DCAF10: variants seen among roughly 807,000 people sequenced by gnomAD.
The protein encoded by DCAF10 is DDB1 and CUL4 associated factor 10.
A neutral mutation model predicts 51.9 loss-of-function variants in DCAF10; 19 were observed. The ratio of observed to expected loss-of-function variants is 0.37; its 90% CI spans 0.26 to 0.54. The LOEUF (loss-of-function observed/expected upper bound fraction) is 0.54. Among genes scored for constraint, DCAF10 ranks in the 20% least tolerant of loss-of-function variants. DCAF10 has a pLI of 0.87. For synonymous variants in DCAF10, 291 were observed against 297.1 expected, an observed-to-expected ratio of 0.98 and a Z score of 0.21; for missense variants, 510 against 730.6, an observed-to-expected ratio of 0.70 and a Z score of 3.48.
intron 1 of DCAF10, among the ~76,000 whole-genome samples, chr9:37,807,700 T>C (rs1829164982): frequency 6.6e-6 from 1 of 150,912 alleles, no homozygotes; most frequent in South Asian, 2.1e-4. Flanking sequence ...TTCACTCTTG[T>C]TGTCCAGGCT....
At chr9:37,834,672 A>C (rs1830099674) in intron 2 of DCAF10, among the ~76,000 whole-genome samples, 2 of 152,338 alleles carry the variant, frequency 1.3e-5, no homozygotes, top group South Asian at 4.1e-4. Flanking sequence ...ACCGAATAAA[A>C]TATCTTTGTT....
At chr9:37,803,527 C>T (rs73649217) in intron 1 of DCAF10, among the ~76,000 whole-genome samples, 2,968 of 151,816 alleles carry the variant, frequency 0.02, 99 homozygotes, top group African/African-American at 0.068. Flanking sequence ...TTACTATATT[C>T]TGATTCCTAC....
intron 3 of DCAF10, among the ~76,000 whole-genome samples, chr9:37,844,619 C>T (rs1042354097): frequency 1.3e-5 from 2 of 152,100 alleles, no homozygotes; most frequent in Non-Finnish European, 2.9e-5. Context: ...CCACTGTACT[C>T]CAGCCTGGGC....
chr9:37,831,260 T>G lies in DCAF10; in HGVS notation c.654-10829T>G, dbSNP rs548672445. Among the ~76,000 whole-genome samples the G allele has an allele frequency of 5.3e-5, 8 of 152,268 alleles. No homozygotes were observed. In the South Asian group the frequency reaches 1.7e-3, roughly 32 times the overall value. ...GAGTGAAGATCTGAAGAGTCTTTGG[T>G]GCATGAGCTCAAGTGTGCTTTATTT... On this transcript the variant is annotated intron_variant, in intron 2 of 6. Transcript: ENST00000377724.
chr9:37,850,083 G>A (rs1830590333), intron 3 of DCAF10, among the ~76,000 whole-genome samples: 1 of 151,420 alleles, frequency 6.6e-6, no homozygotes. Context: ...GATAAAAGTG[G>A]GCCAAATTTG....
intron 2 of DCAF10, among the ~76,000 whole-genome samples, chr9:37,826,093 A>G (rs1829845606): frequency 6.6e-6 from 1 of 151,870 alleles, no homozygotes; most frequent in Non-Finnish European, 1.5e-5. Context: ...AAAAAAGGCA[A>G]TATGAACAGA....
Position 37,861,651 on chromosome 9 carries a change from C to A in DCAF10, c.*143C>A. On this transcript the variant is annotated 3_prime_UTR_variant, in exon 7 of 7. Transcript: ENST00000377724. This position sits in a 1 kb window ranked among gnomAD's most constrained non-coding sequence, Gnocchi z 4.9. ...TATGGGTCCATGAACACACTTGTGACCTTAGTACTTGGTCATCCAGCATCA... is the reference window on the plus strand; with the variant it reads ...TATGGGTCCATGAACACACTTGTGAACTTAGTACTTGGTCATCCAGCATCA... 8.3e-7 allele frequency: 1 copy of A among 1,199,888 alleles called. No individual in the cohort carries two copies. The highest frequency in any genetic ancestry group is 1.1e-6 in the Non-Finnish European group (1 of 877,010). The allele number at this position is 1,199,888 out of a possible 1,614,324, so 74.3% of individuals were successfully genotyped here.
chr9:37,821,858 C>A (rs534978357), intron 2 of DCAF10, among the ~76,000 whole-genome samples: 1 of 152,102 alleles, frequency 6.6e-6, no homozygotes, highest in African/African-American at 2.4e-5. Context: ...TCTTCGCAAT[C>A]TATACATCTG....
chr9:37,819,066 A>G (rs1437037848), intron 1 of DCAF10, among the ~76,000 whole-genome samples: 2 of 152,198 alleles, frequency 1.3e-5, no homozygotes, highest in African/African-American at 4.8e-5. Flanking sequence ...TGCTGTGCAA[A>G]CATAAGCTGT....
At chr9:37,810,075 C>T (rs1358676650) in intron 1 of DCAF10, among the ~76,000 whole-genome samples, 1 of 151,714 alleles carries the variant, frequency 6.6e-6, no homozygotes, top group Non-Finnish European at 1.5e-5. Context: ...TCACTTGAAC[C>T]TGGGAGGCGG....
chr9:37,806,099 T>A (rs1158157012), intron 1 of DCAF10, among the ~76,000 whole-genome samples: 4 of 151,982 alleles, frequency 2.6e-5, no homozygotes, highest in African/African-American at 9.7e-5. Flanking sequence ...AAAATAAAAT[T>A]AAAAAATAAA....
chr9:37,817,794 A>G (rs1487125320), intron 1 of DCAF10, among the ~76,000 whole-genome samples: 1 of 152,194 alleles, frequency 6.6e-6, no homozygotes, highest in Non-Finnish European at 1.5e-5. Context: ...AAAGGGAAAA[A>G]AGTTCATTTC....
intron 1 of DCAF10, among the ~76,000 whole-genome samples, chr9:37,814,877 A>G (rs1328068376): frequency 2.0e-5 from 3 of 152,350 alleles, no homozygotes; most frequent in East Asian, 3.9e-4. Context: ...GTTAGCATAC[A>G]CTTTATACCA....
At position 37,864,519 on chromosome 9, in the gene DCAF10, G is replaced by A. The variant is rs1033656208; in HGVS notation, c.*3011G>A. ...GACTCGCATGAACCTGGGAGGCAGAGGTTGCAGTGAGCCGAGATCGCACCA... is the reference window on the plus strand; with the variant it reads ...GACTCGCATGAACCTGGGAGGCAGAAGTTGCAGTGAGCCGAGATCGCACCA... On this transcript the variant is annotated 3_prime_UTR_variant, in exon 7 of 7. Transcript: ENST00000377724. 6.6e-6 allele frequency: 1 copy of A among 151,842 alleles called. No individual in the cohort carries two copies. Among genetic ancestry groups the A allele is most frequent in the Non-Finnish European group, 1.5e-5 (1 of 68,108 alleles). The allele number at this position is 151,842 out of a possible 1,614,324, so 9.4% of individuals were successfully genotyped here. A position where few individuals can be genotyped will look rare whatever the true frequency, so the allele number is the denominator to read the frequency against.
At chr9:37,842,331 T>A in intron 3 of DCAF10, 45 bp downstream of exon 3, 1 of 1,558,352 alleles carries the variant, frequency 6.4e-7, no homozygotes, top group Non-Finnish European at 8.7e-7. Flanking sequence ...CAAAAACATT[T>A]TTTTTAAAGA....
In DCAF10 at chr9:37,862,543, C is replaced by T. The variant is rs928806093; in HGVS notation, c.*1035C>T. ...GTGACAAGCCAACTCTGTCACCATTCGTGAGGGGAGAGTTGCAGTCCTCTT... is the reference window on the plus strand; with the variant it reads ...GTGACAAGCCAACTCTGTCACCATTTGTGAGGGGAGAGTTGCAGTCCTCTT... On this transcript the variant is annotated 3_prime_UTR_variant, in exon 7 of 7. Coordinates refer to ENST00000377724, the MANE Select transcript of DCAF10 (RefSeq NM_024345.5). 4.6e-5 allele frequency: 7 copies of T among 152,146 alleles called. No homozygotes were observed. Among genetic ancestry groups the T allele is most frequent in the Admixed American group, 3.3e-4 (5 of 15,264 alleles). 9.4% of individuals were successfully genotyped at this position (152,146 alleles called of 1,614,324 possible).
chr9:37,811,410 C>T (rs1829344554), intron 1 of DCAF10, among the ~76,000 whole-genome samples: 1 of 152,060 alleles, frequency 6.6e-6, no homozygotes, highest in African/African-American at 2.4e-5. Context: ...CAGTGACGAG[C>T]ACTAGTACAA....
At chr9:37,826,713 A>G (rs970719138) in intron 2 of DCAF10, among the ~76,000 whole-genome samples, 5 of 151,922 alleles carry the variant, frequency 3.3e-5, no homozygotes, top group African/African-American at 1.2e-4. Flanking sequence ...CACATGTATG[A>G]GATTTCAGAA....
intron 2 of DCAF10, among the ~76,000 whole-genome samples, chr9:37,831,809 C>T (rs770842385): frequency 1.3e-5 from 2 of 152,088 alleles, no homozygotes; most frequent in Non-Finnish European, 2.9e-5. Context: ...ATTAGCTGGG[C>T]GTGGTGGCCG....
Sources: gnomAD v4.1 joint callset for allele counts (sites outside exome capture counted in the v4.1 genomes callset) on GRCh38, gnomAD v4.1.1 for gene constraint, Gnocchi (gnomAD v3.1) non-coding constraint, MANE v1.5 for transcripts, NCBI Gene and HGNC (gene_info 2026-07-23, HGNC 2026-07-21) for gene names.